Variants in MPP7 observed in about 807,000 individuals in gnomAD.
MPP7 encodes MAGUK p55 scaffold protein 7, also known as MAGUK p55 subfamily member 7.
MPP7 carries 60 observed loss-of-function variants against 76.5 expected under a neutral mutation model. The ratio of observed to expected loss-of-function variants is 0.78; its 90% CI spans 0.64 to 0.97. The LOEUF (loss-of-function observed/expected upper bound fraction) is 0.97, where lower values mean the gene tolerates loss of function less well. Ranked by LOEUF, MPP7 falls within the 50% of genes least tolerant of loss-of-function variation. The pLI is 0.00. For synonymous variants in MPP7, 237 were observed against 244.5 expected (o/e 0.97, Z 0.29); for missense variants, 641 against 694.0 (o/e 0.92, Z 0.86).
intron 13 of MPP7, 84 bp downstream of exon 13, chr10:28,069,688 T>A: frequency 4.3e-6 from 5 of 1,157,476 alleles, no homozygotes; most frequent in Non-Finnish European, 5.9e-6. Flanking sequence ...TAAAAACAAG[T>A]TAAAAATTTT....
rs77755668 is a variant in MPP7 at position 28,113,347 on chromosome 10, G to A, written c.952+6304C>T. Among the ~76,000 whole-genome samples the A allele has an allele frequency of 2.6e-3, 389 of 152,094 alleles. 13 individuals are homozygous for A. The East Asian group carries it at 0.064, about 25-fold the overall frequency. On this transcript the variant is annotated intron_variant, in intron 11 of 16. Coordinates refer to ENST00000683449, the MANE Select transcript of MPP7 (RefSeq NM_001318170.2). ...GCGAGGTATACTGCTCTCCTCTCTG[G>A]GATCTGTGAGTAATACACTACCTCT...
chr10:28,300,268 G>T lies in MPP7; in HGVS notation c.-132+2593C>A, dbSNP rs1841125532. Among the ~76,000 whole-genome samples the T allele has an allele frequency of 3.9e-5, 6 of 152,194 alleles. No homozygotes were observed. In the South Asian group the frequency reaches 1.2e-3, roughly 32 times the overall value. On this transcript the variant is annotated intron_variant, in intron 1 of 16. Transcript: ENST00000683449. ...TGTCATAATTAATTTAAAGAAAAAA[G>T]TCACAGAAACTCTGAAAACCATTGG...
intron 11 of MPP7, among the ~76,000 whole-genome samples, chr10:28,117,006 CAGTA>C (rs749374113): frequency 6.6e-5 from 10 of 152,062 alleles, no homozygotes; most frequent in Non-Finnish European, 1.2e-4. Context: ...AATGCAAAGA[CAGTA>C]AGATTGGGAT....
chr10:28,067,227 A>G (rs1480508168), intron 13 of MPP7, among the ~76,000 whole-genome samples: 1 of 152,234 alleles, frequency 6.6e-6, no homozygotes, highest in Non-Finnish European at 1.5e-5. Flanking sequence ...GCTTTCAAAA[A>G]GAGAATTATA....
intron 2 of MPP7, among the ~76,000 whole-genome samples, chr10:28,227,605 T>C (rs1160861112): frequency 1.3e-5 from 2 of 152,184 alleles, no homozygotes; most frequent in Non-Finnish European, 2.9e-5. Context: ...CTGACAATAA[T>C]GGTTTCCAGC....
chr10:28,170,211 T>C lies in MPP7; in HGVS notation c.157-20152A>G, dbSNP rs534667701. On this transcript the variant is annotated intron_variant, in intron 3 of 16. Coordinates refer to ENST00000683449, the MANE Select transcript of MPP7 (RefSeq NM_001318170.2). ...TTTCTATTTATGTATATGTTCTGTT[T>C]ATGTATATGTTCTGTTTTGGGTATA... Among the ~76,000 whole-genome samples, 277 of 152,296 alleles carry C rather than the reference T, an allele frequency of 1.8e-3. 1 individual carries two copies. Among genetic ancestry groups the C allele is most frequent in the African/African-American group, 6.4e-3 (265 of 41,570 alleles).
chr10:28,235,449 T>C (rs911360402), intron 2 of MPP7, among the ~76,000 whole-genome samples: 1 of 152,100 alleles, frequency 6.6e-6, no homozygotes, highest in African/African-American at 2.4e-5. Flanking sequence ...CAACAGATCA[T>C]ACAGCCAAGA....
At chr10:28,332,292 G>A (rs888913719) in intron 1 of MPP7, among the ~76,000 whole-genome samples, 4 of 115,908 alleles carry the variant, frequency 3.5e-5, no homozygotes, top group Admixed American at 2.4e-4. Flanking sequence ...ATAAATTGCG[G>A]CTAATCTTGG....
At chr10:28,308,649 A>G (rs967827049) in intron 2 of MPP7, among the ~76,000 whole-genome samples, 2 of 152,188 alleles carry the variant, frequency 1.3e-5, no homozygotes, top group Non-Finnish European at 2.9e-5. Context: ...GTGGTAGTGC[A>G]CACCTGTAGT....
At chr10:28,311,787 A>ACAC (rs1564770204) in intron 2 of MPP7, among the ~76,000 whole-genome samples, 3 of 137,900 alleles carry the variant, frequency 2.2e-5, no homozygotes, top group African/African-American at 5.3e-5. Context: ...CACACACACA[A>ACAC]ACACTGAGAT....
chr10:28,139,298 G>C (rs1424046152), intron 5 of MPP7, among the ~76,000 whole-genome samples: 2 of 152,182 alleles, frequency 1.3e-5, no homozygotes, highest in African/African-American at 2.4e-5. Context: ...AGAAACACTT[G>C]AGCTTGGGGC....
At chr10:28,222,031 T>C (rs1289944540) in intron 2 of MPP7, among the ~76,000 whole-genome samples, 2 of 152,150 alleles carry the variant, frequency 1.3e-5, no homozygotes, top group Non-Finnish European at 2.9e-5. Flanking sequence ...GTCATGTTGT[T>C]TGAAGGACAA....
intron 13 of MPP7, among the ~76,000 whole-genome samples, chr10:28,067,564 T>C (rs1294275740): frequency 1.3e-5 from 2 of 152,170 alleles, no homozygotes; most frequent in Admixed American, 6.5e-5. Context: ...ATAACTACTT[T>C]GGGGATTTCT....
chr10:28,092,981 T>C (rs929097369), intron 11 of MPP7, among the ~76,000 whole-genome samples: 12 of 152,016 alleles, frequency 7.9e-5, no homozygotes, highest in African/African-American at 2.9e-4. Flanking sequence ...AGGGTCTCTT[T>C]CTAATTGCAG....
chr10:28,057,799 A>C, intron 15 of MPP7: 1 of 1,286,630 alleles, frequency 7.8e-7, no homozygotes, highest in East Asian at 5.6e-5. Context: ...TAGCATTTGG[A>C]GGTTTTGCAC....
At chr10:28,116,330 A>G (rs1003272431) in intron 11 of MPP7, among the ~76,000 whole-genome samples, 7 of 152,174 alleles carry the variant, frequency 4.6e-5, no homozygotes, top group African/African-American at 1.4e-4. Flanking sequence ...AACTATAAAA[A>G]TAAGTTTTAG....
chr10:28,327,644 A>G (rs1244486903), intron 2 of MPP7, among the ~76,000 whole-genome samples: 1 of 152,166 alleles, frequency 6.6e-6, no homozygotes, highest in African/African-American at 2.4e-5. Flanking sequence ...CGAGGTTTCT[A>G]TTTTTAACCA....
intron 1 of MPP7, among the ~76,000 whole-genome samples, chr10:28,240,524 C>A (rs1007738841): frequency 6.6e-6 from 1 of 152,026 alleles, no homozygotes; most frequent in African/African-American, 2.4e-5. Context: ...AACATGCATA[C>A]AAATCCATAT....
chr10:28,166,438 G>A (rs1195198024), intron 3 of MPP7, among the ~76,000 whole-genome samples: 2 of 117,100 alleles, frequency 1.7e-5, no homozygotes, highest in Admixed American at 1.0e-4. Flanking sequence ...ACAGAGTTCT[G>A]GTCTTGTTGC....
Sources: allele counts gnomAD v4.1 joint callset (sites outside exome capture counted in the v4.1 genomes callset), GRCh38; gene constraint gnomAD v4.1.1; transcripts MANE v1.5; gene names NCBI Gene and HGNC (gene_info 2026-07-23, HGNC 2026-07-21).